The following KIAA1328 variants were observed in gnomAD, a reference collection of about 807,000 sequenced individuals.
KIAA1328 encodes the protein protein hinderin.
Under a neutral mutation model 68.1 loss-of-function variants are expected in KIAA1328, and 52 were observed. That is an observed-to-expected ratio of 0.76 (90% CI 0.61 to 0.96). KIAA1328 has a LOEUF of 0.96. Ranked by LOEUF, KIAA1328 falls within the 40% of genes least tolerant of loss-of-function variation. KIAA1328 has a pLI of 0.00. For synonymous variants in KIAA1328, 232 were observed against 239.4 expected, an observed-to-expected ratio of 0.97 and a Z score of 0.28; for missense variants, 641 against 677.6, an observed-to-expected ratio of 0.95 and a Z score of 0.60.
intron 9 of KIAA1328, among the ~76,000 whole-genome samples, chr18:37,177,659 C>G (rs778880162): frequency 6.6e-6 from 1 of 151,654 alleles, no homozygotes; most frequent in Non-Finnish European, 1.5e-5. Context: ...AACACAAAAG[C>G]GTTAAAGGTT....
intron 5 of KIAA1328, among the ~76,000 whole-genome samples, chr18:36,951,422 C>T (rs2051156603): frequency 6.6e-6 from 1 of 152,066 alleles, no homozygotes; most frequent in African/African-American, 2.4e-5. Flanking sequence ...GTAAACAAAA[C>T]AAAAATTCCT....
chr18:36,941,689 A>AT (rs1261384627), intron 5 of KIAA1328, among the ~76,000 whole-genome samples: 3 of 152,130 alleles, frequency 2.0e-5, no homozygotes, highest in African/African-American at 7.2e-5. Context: ...TATAAAACAC[A>AT]TTTTTTAAAA....
intron 9 of KIAA1328, among the ~76,000 whole-genome samples, chr18:37,174,117 G>A (rs2059551559): frequency 6.6e-6 from 1 of 152,134 alleles, no homozygotes; most frequent in Non-Finnish European, 1.5e-5. Context: ...TATATGCATT[G>A]TCTAATTTAA....
intron 6 of KIAA1328, among the ~76,000 whole-genome samples, chr18:37,026,087 A>G (rs2054566940): frequency 6.6e-6 from 1 of 152,222 alleles, no homozygotes; most frequent in South Asian, 2.1e-4. Context: ...AGAGGATACT[A>G]TAAACAACTG....
At chr18:37,214,503 T>C (rs2060385607) in intron 9 of KIAA1328, among the ~76,000 whole-genome samples, 1 of 152,080 alleles carries the variant, frequency 6.6e-6, no homozygotes, top group East Asian at 1.9e-4. Context: ...TGTTCCATTG[T>C]TCTATATCTC....
chr18:36,976,320 T>A (rs932610307), intron 6 of KIAA1328, among the ~76,000 whole-genome samples: 27 of 152,238 alleles, frequency 1.8e-4, no homozygotes, highest in Non-Finnish European at 4.4e-5. Context: ...TAGTCGTGAC[T>A]GGGCTTGTTA....
intron 5 of KIAA1328, among the ~76,000 whole-genome samples, chr18:36,905,855 T>G (rs1336336397): frequency 6.6e-6 from 1 of 152,158 alleles, no homozygotes; most frequent in African/African-American, 2.4e-5. Flanking sequence ...CAATGCCAAT[T>G]AATTTAGACA....
chr18:37,146,121 C>T (rs572376410), intron 7 of KIAA1328, among the ~76,000 whole-genome samples: 1 of 151,932 alleles, frequency 6.6e-6, no homozygotes, highest in East Asian at 1.9e-4. Flanking sequence ...TTCAGGGATA[C>T]ATGTGCAGGT....
chr18:36,850,366 T>C (rs574458311), intron 4 of KIAA1328, among the ~76,000 whole-genome samples: 63 of 152,272 alleles, frequency 4.1e-4, no homozygotes, highest in African/African-American at 1.4e-3. Context: ...GTTAATAAGC[T>C]GTAATAGTTT....
chr18:36,965,429 C>T (rs936158486), intron 6 of KIAA1328, among the ~76,000 whole-genome samples: 2 of 149,990 alleles, frequency 1.3e-5, no homozygotes, highest in South Asian at 2.2e-4. Context: ...TATTAAAAGG[C>T]GATCAGGAGT....
chr18:37,228,412 A>G (rs564066524), downstream of KIAA1328, among the ~76,000 whole-genome samples: 1 of 152,330 alleles, frequency 6.6e-6, no homozygotes, highest in African/African-American at 2.4e-5. Flanking sequence ...TTATGTGCCA[A>G]ACTTCATTGT....
At chr18:37,181,172 G>A (rs1162512113) in intron 9 of KIAA1328, among the ~76,000 whole-genome samples, 2 of 151,948 alleles carry the variant, frequency 1.3e-5, no homozygotes, top group African/African-American at 4.8e-5. Context: ...TCCATTTTGA[G>A]TATCTTGTAA....
intron 5 of KIAA1328, among the ~76,000 whole-genome samples, chr18:36,941,405 G>A (rs1244419995): frequency 6.6e-6 from 1 of 151,994 alleles, no homozygotes; most frequent in Non-Finnish European, 1.5e-5. Context: ...GACTAGCGTG[G>A]CCAACGTGGT....
intron 4 of KIAA1328, among the ~76,000 whole-genome samples, chr18:36,853,483 G>C (rs1469347585): frequency 2.7e-5 from 4 of 150,758 alleles, no homozygotes; most frequent in Non-Finnish European, 5.9e-5. Flanking sequence ...TATTTTCTTA[G>C]TGGTTACCCT....
chr18:36,957,661 GA>G (rs913471046), intron 5 of KIAA1328, among the ~76,000 whole-genome samples: 24 of 151,970 alleles, frequency 1.6e-4, no homozygotes, highest in Admixed American at 1.6e-3. Context: ...TGACTTAACT[GA>G]AAAACTTAAC....
At chr18:36,893,141 A>G (rs1051167436) in intron 5 of KIAA1328, among the ~76,000 whole-genome samples, 1 of 152,204 alleles carries the variant, frequency 6.6e-6, no homozygotes, top group African/African-American at 2.4e-5. Flanking sequence ...CTCTTTAATA[A>G]TGAGTTATAT....
intron 4 of KIAA1328, among the ~76,000 whole-genome samples, chr18:36,865,584 T>C (rs1210022780): frequency 6.6e-6 from 1 of 152,192 alleles, no homozygotes; most frequent in Non-Finnish European, 1.5e-5. Context: ...TTTTTTTGTT[T>C]AGTAATCCTG....
chr18:37,004,720 A>G (rs946730127), intron 6 of KIAA1328, among the ~76,000 whole-genome samples: 5 of 152,132 alleles, frequency 3.3e-5, no homozygotes, highest in Admixed American at 2.0e-4. Context: ...AAGTAGAACT[A>G]CCATTTGATC....
intron 7 of KIAA1328, among the ~76,000 whole-genome samples, chr18:37,142,650 A>G (rs1386682169): frequency 6.6e-6 from 1 of 152,090 alleles, no homozygotes; most frequent in Non-Finnish European, 1.5e-5. Flanking sequence ...ACACACACAG[A>G]TTTATGGACT....
Sources: allele counts gnomAD v4.1 joint callset (sites outside exome capture counted in the v4.1 genomes callset), GRCh38; gene constraint gnomAD v4.1.1; transcripts MANE v1.5; gene names NCBI Gene and HGNC (gene_info 2026-07-23, HGNC 2026-07-21).